The following TMEM163 variants were observed in gnomAD, a reference collection of about 807,000 sequenced individuals.
TMEM163 encodes the protein transmembrane protein 163.
A neutral mutation model predicts 29.3 loss-of-function variants in TMEM163; 17 were observed. That is an observed-to-expected ratio of 0.58 (90% CI 0.40 to 0.87). TMEM163 has a LOEUF of 0.87. Among genes scored for constraint, TMEM163 ranks in the 40% least tolerant of loss-of-function variants. TMEM163 has a pLI of 0.00. For synonymous variants in TMEM163, 157 were observed against 160.6 expected, an observed-to-expected ratio of 0.98 and a Z score of 0.17; for missense variants, 303 against 381.5, an observed-to-expected ratio of 0.79 and a Z score of 1.71.
At chr2:134,495,477 A>G (rs1425515119) in intron 5 of TMEM163, among the ~76,000 whole-genome samples, 1 of 152,232 alleles carries the variant, frequency 6.6e-6, no homozygotes, top group Non-Finnish European at 1.5e-5. Context: ...AGAACATATC[A>G]ATCACTCCTG....
chr2:134,606,243 C>T (rs1308984847), intron 2 of TMEM163, among the ~76,000 whole-genome samples: 3 of 152,048 alleles, frequency 2.0e-5, no homozygotes, highest in Non-Finnish European at 4.4e-5. Flanking sequence ...CCATGAATCC[C>T]ACGCTCTAGC....
chr2:134,509,725 A>G (rs895637888), intron 4 of TMEM163, among the ~76,000 whole-genome samples: 2 of 152,256 alleles, frequency 1.3e-5, no homozygotes, highest in African/African-American at 4.8e-5. Flanking sequence ...AGGACAGTCC[A>G]TCACTTGTGA....
At chr2:134,606,297 C>T (rs977359328) in intron 2 of TMEM163, among the ~76,000 whole-genome samples, 2 of 151,666 alleles carry the variant, frequency 1.3e-5, no homozygotes, top group Non-Finnish European at 2.9e-5. Flanking sequence ...GAGCTAAGAC[C>T]GCACCATTGC....
At chr2:134,629,113 G>C (rs1682915790) in intron 2 of TMEM163, among the ~76,000 whole-genome samples, 1 of 152,066 alleles carries the variant, frequency 6.6e-6, no homozygotes, top group African/African-American at 2.4e-5. Flanking sequence ...TACCTCATTT[G>C]ATCCTCACAA....
At chr2:134,695,581 G>T (rs1354088289) in intron 2 of TMEM163, among the ~76,000 whole-genome samples, 1 of 152,078 alleles carries the variant, frequency 6.6e-6, no homozygotes, top group African/African-American at 2.4e-5. Context: ...CCTGAAAAAA[G>T]TTAACCCAGA....
At position 134,657,757 on chromosome 2, in the gene TMEM163, C is replaced by T. The variant is rs181608022; in HGVS notation, c.322+55443G>A. Among the ~76,000 whole-genome samples the T allele has an allele frequency of 5.5e-4, 84 of 152,090 alleles. 1 individual carries two copies. The East Asian group carries it at 0.015, about 27-fold the overall frequency. ...GGCGGAGGTTGCAGTGAGCCAAGAT[C>T]GCGCCATTGCACTCCAGCCTAGGCA... is the stretch of plus-strand genomic sequence containing the variant. On this transcript the variant is annotated intron_variant, in intron 2 of 7. Transcript: ENST00000281924.
intron 2 of TMEM163, among the ~76,000 whole-genome samples, chr2:134,566,632 C>T (rs142623349): frequency 6.6e-6 from 1 of 152,214 alleles, no homozygotes; most frequent in African/African-American, 2.4e-5. Flanking sequence ...CATTTGGTGT[C>T]AGTGGGGAAA....
chr2:134,541,522 G>T (rs1435457739), intron 4 of TMEM163, among the ~76,000 whole-genome samples: 1 of 152,150 alleles, frequency 6.6e-6, no homozygotes, highest in East Asian at 1.9e-4. Flanking sequence ...TTTAAGGACA[G>T]TTATTCTGGA....
At chr2:134,496,352 G>A (rs796607023) in intron 5 of TMEM163, among the ~76,000 whole-genome samples, 5 of 152,166 alleles carry the variant, frequency 3.3e-5, no homozygotes, top group African/African-American at 1.2e-4. Context: ...ATGAGCCACC[G>A]CACCAGGCCG....
rs1047587501 is a variant in TMEM163 at position 134,566,303 on chromosome 2, A to G, written c.323-14212T>C. On this transcript the variant is annotated intron_variant, in intron 2 of 7. Transcript: ENST00000281924. ...TGGCAGATATAAAAGGATTTTGCTC[A>G]CGCCTGTAATCTCATTTTGGGAGCC... Among the ~76,000 whole-genome samples, 9 of 152,176 alleles carry G rather than the reference A, an allele frequency of 5.9e-5. No individual in the cohort carries two copies. The South Asian group carries it at 8.3e-4, about 14-fold the overall frequency.
At chr2:134,604,649 A>G (rs938236321) in intron 2 of TMEM163, among the ~76,000 whole-genome samples, 4 of 152,270 alleles carry the variant, frequency 2.6e-5, no homozygotes, top group African/African-American at 9.6e-5. Context: ...ATGTAATTAA[A>G]TGATTACATT....
chr2:134,703,078 G>A (rs1257764802), intron 2 of TMEM163, among the ~76,000 whole-genome samples: 3 of 152,222 alleles, frequency 2.0e-5, no homozygotes, highest in African/African-American at 7.2e-5. Context: ...TGGTTTGAAA[G>A]CTACACCTCC....
At chr2:134,600,650 T>G (rs1180915011) in intron 2 of TMEM163, among the ~76,000 whole-genome samples, 1 of 152,136 alleles carries the variant, frequency 6.6e-6, no homozygotes, top group African/African-American at 2.4e-5. Context: ...TTAGGGGGAA[T>G]AGGGCATCAA....
chr2:134,694,938 C>T (rs1193116440), intron 2 of TMEM163, among the ~76,000 whole-genome samples: 2 of 152,064 alleles, frequency 1.3e-5, no homozygotes, highest in African/African-American at 2.4e-5. Context: ...ACAAACTCCA[C>T]GGTTTTCTGG....
intron 2 of TMEM163, among the ~76,000 whole-genome samples, chr2:134,560,369 T>C (rs540336615): frequency 7.9e-5 from 12 of 152,288 alleles, no homozygotes; most frequent in African/African-American, 2.4e-4. Flanking sequence ...CCTAAACACA[T>C]AGAACATGGA....
intron 2 of TMEM163, among the ~76,000 whole-genome samples, chr2:134,592,223 C>T (rs2104802895): frequency 6.6e-6 from 1 of 152,216 alleles, no homozygotes; most frequent in South Asian, 2.1e-4. Flanking sequence ...AGATGATGTC[C>T]TTTGGTAGCA....
chr2:134,523,246 G>C (rs945635321), intron 4 of TMEM163, among the ~76,000 whole-genome samples: 3 of 152,146 alleles, frequency 2.0e-5, no homozygotes, highest in Non-Finnish European at 4.4e-5. Context: ...GTCTGCAGGT[G>C]GGGGTCGGAG....
intron 5 of TMEM163, among the ~76,000 whole-genome samples, chr2:134,482,809 G>T (rs554712027): frequency 1.3e-5 from 2 of 152,320 alleles, no homozygotes; most frequent in South Asian, 4.1e-4. Flanking sequence ...CCATTTTGAT[G>T]TCTGGAGGGT....
At chr2:134,630,463 T>C (rs1558970533) in intron 2 of TMEM163, among the ~76,000 whole-genome samples, 2 of 152,108 alleles carry the variant, frequency 1.3e-5, no homozygotes, top group African/African-American at 2.4e-5. Context: ...TCATATCCAA[T>C]GCAGCGCTGT....
Sources: gnomAD v4.1 joint callset for allele counts (sites outside exome capture counted in the v4.1 genomes callset) on GRCh38, gnomAD v4.1.1 for gene constraint, MANE v1.5 for transcripts, NCBI Gene and HGNC (gene_info 2026-07-23, HGNC 2026-07-21) for gene names.